The following SPTBN4 variants were observed in gnomAD, a reference collection of about 807,000 sequenced individuals.
SPTBN4 encodes spectrin beta, non-erythrocytic 4, also known as spectrin beta chain, non-erythrocytic 4.
SPTBN4 carries 96 observed loss-of-function variants against 277.8 expected under a neutral mutation model. The observed-to-expected ratio is 0.35, with a 90% CI of 0.29 to 0.41. The LOEUF is 0.41. SPTBN4 is among the 10% of genes least tolerant of loss of function. The probability of loss-of-function intolerance (pLI) is 1.00; values close to 1 mark genes in which losing one functional copy is unlikely to be tolerated. For synonymous variants in SPTBN4, 1,481 were observed against 1,580.3 expected, an observed-to-expected ratio of 0.94 and a Z score of 1.49; for missense variants, 3,006 against 3,595.7, an observed-to-expected ratio of 0.84 and a Z score of 4.19.
rs576227170 is a variant in SPTBN4, at chr19:40,519,390, C to A, written c.2904-11C>A. 2 of 1,542,142 alleles carry A rather than the reference C, an allele frequency of 1.3e-6. No individual in the cohort carries two copies. Among genetic ancestry groups the A allele is most frequent in the Non-Finnish European group, 8.7e-7 (1 of 1,147,278 alleles). ...CTGTCCTCCTCAAGTCACTCTCTTT[C>A]CCCTGGGCAGGTGGAACCGCATCGT... On this transcript the variant is annotated splice_polypyrimidine_tract_variant and intron_variant, in intron 15 of 35. Transcript: ENST00000598249. The surrounding 1 kb of genome is among the most constrained non-coding windows in gnomAD (Gnocchi z 5.7).
chr19:40,478,882 G>C (rs1169598501), intron 2 of SPTBN4, among the ~76,000 whole-genome samples: 2 of 152,118 alleles, frequency 1.3e-5, no homozygotes, highest in Non-Finnish European at 2.9e-5. Flanking sequence ...GCACAACTCT[G>C]CTTAAATCTC....
At position 40,560,794 on chromosome 19, in the gene SPTBN4, A is replaced by AC; in HGVS notation, c.5915+392dup. On this transcript the variant is annotated intron_variant, in intron 27 of 35. Coordinates refer to ENST00000598249, the MANE Select transcript of SPTBN4 (RefSeq NM_020971.3). This position sits in a 1 kb window ranked among gnomAD's most constrained non-coding sequence, Gnocchi z 5.2. Reference sequence around the variant, plus strand: ...ATTAGTGGGCATGGGCTTATTGCTCACATAGTGGTTGGATGTGAGTGTCCA... The same window carrying AC: ...ATTAGTGGGCATGGGCTTATTGCTCACCATAGTGGTTGGATGTGAGTGTCCA... The AC allele has an allele frequency of 8.6e-7, 1 of 1,157,744 alleles. No individual in the cohort carries two copies. The highest frequency in any genetic ancestry group is 2.3e-5 in the South Asian group (1 of 43,468). 71.7% of individuals were successfully genotyped at this position (1,157,744 alleles called of 1,614,324 possible). A position where few individuals can be genotyped will look rare whatever the true frequency, so the allele number is the denominator to read the frequency against.
intron 7 of SPTBN4, among the ~76,000 whole-genome samples, chr19:40,499,076 G>A (rs1274681663): frequency 6.6e-6 from 1 of 151,854 alleles, no homozygotes; most frequent in African/African-American, 2.4e-5. Flanking sequence ...CACTCAGACT[G>A]GAGTGCAGTG....
intron 22 of SPTBN4, among the ~76,000 whole-genome samples, chr19:40,551,420 C>T (rs962200896): frequency 2.6e-5 from 4 of 150,988 alleles, no homozygotes; most frequent in African/African-American, 9.7e-5. Context: ...CACACACACA[C>T]GTCCCCCAAA....
intron 2 of SPTBN4, among the ~76,000 whole-genome samples, chr19:40,474,151 CAAAAAAAA>C (rs71173641): frequency 5.5e-4 from 19 of 34,448 alleles, no homozygotes; most frequent in African/African-American, 2.0e-3. Context: ...GAACCTATCT[CAAAAAAAA>C]AAAAAAAAAA....
Position 40,513,551 on chromosome 19 carries a change from A to T in SPTBN4, c.2762A>T (p.His921Leu), listed in dbSNP as rs1447099309. 1 of 1,568,162 alleles carries T rather than the reference A, an allele frequency of 6.4e-7. No individual in the cohort carries two copies. Among genetic ancestry groups the T allele is most frequent in the Non-Finnish European group, 8.6e-7 (1 of 1,161,782 alleles). ...DSLDDVEVVQHRFESLDQEMN... is the reference protein window; with the variant it reads ...DSLDDVEVVQLRFESLDQEMN... ...CTCGACGACGTCGAGGTGGTGCAGCACCGGTGAGCGCGCACATGTGGGACT... is the reference window on the plus strand; with the variant it reads ...CTCGACGACGTCGAGGTGGTGCAGCTCCGGTGAGCGCGCACATGTGGGACT... The change falls in exon 14 of 36, where the codon CAC becomes CTC. Residue 921 changes from histidine to leucine, a missense_variant. Physicochemically the swap from His to Leu is moderately conservative, Grantham distance 99. Coordinates refer to ENST00000598249, the MANE Select transcript of SPTBN4 (RefSeq NM_020971.3).
chr19:40,569,426 CAA>C (rs58192016), intron 31 of SPTBN4, among the ~76,000 whole-genome samples: 1,291 of 120,696 alleles, frequency 0.011, 7 homozygotes, highest in Non-Finnish European at 0.016. Flanking sequence ...GACTCCGTCT[CAA>C]AAAAAAAAAA....
intron 4 of SPTBN4, among the ~76,000 whole-genome samples, chr19:40,492,644 G>A (rs2080151939): frequency 6.6e-6 from 1 of 152,174 alleles, no homozygotes; most frequent in Non-Finnish European, 1.5e-5. Context: ...GTGGATGCAG[G>A]AGTGGGGAGA....
rs1021473168 is a variant in SPTBN4 at position 40,519,644 on chromosome 19, T to G, written c.3147T>G (p.Ala1049=). The G allele has an allele frequency of 1.4e-6, 2 of 1,408,288 alleles. No individual in the cohort carries two copies. The highest frequency in any genetic ancestry group is 3.0e-5 in the African/African-American group (2 of 65,580). 87.2% of individuals were successfully genotyped at this position (1,408,288 alleles called of 1,614,324 possible). ...TTCTGGAGGAGGCAGCCCTGCTGGC[T>G]GAGCGCTTCCCGGCGCAGGCGGCGC... ...AALLEEAALL[A]ERFPAQAARL... The change falls in exon 16 of 36, where the codon GCT becomes GCG. Residue 1049 remains alanine, a synonymous_variant. Transcript: ENST00000598249. The surrounding 1 kb of genome is among the most constrained non-coding windows in gnomAD (Gnocchi z 5.7).
chr19:40,535,784 A>G (rs2080728325), intron 20 of SPTBN4, among the ~76,000 whole-genome samples: 1 of 151,902 alleles, frequency 6.6e-6, no homozygotes, highest in African/African-American at 2.4e-5. Flanking sequence ...CACACACAAA[A>G]AAATTAGCTG....
At chr19:40,556,051 G>A in intron 24 of SPTBN4, 33 bp from the exon 25 acceptor site, 1 of 1,582,930 alleles carries the variant, frequency 6.3e-7, no homozygotes, top group African/African-American at 1.3e-5. Context: ...AAGTCTCAGG[G>A]GTCCATCCCT....
chr19:40,534,401 GTCCAAC>G (rs1373872214), intron 20 of SPTBN4, 58 bp downstream of exon 20: 1 of 1,572,000 alleles, frequency 6.4e-7, no homozygotes, highest in South Asian at 1.1e-5. Flanking sequence ...CCAGGTCAGG[GTCCAAC>G]CCCACTCAAG....
intron 33 of SPTBN4, 143 bp downstream of exon 33, chr19:40,570,871 G>A (rs1012620451): frequency 3.9e-5 from 35 of 907,648 alleles, no homozygotes; most frequent in South Asian, 1.6e-4. Context: ...GAGCTGGGGG[G>A]TGGTGGTGGC....
rs183835586 is a variant in SPTBN4 at position 40,475,744 on chromosome 19, G to T, written c.169+2954G>T. On this transcript the variant is annotated intron_variant, in intron 2 of 35. Transcript: ENST00000598249. ...CCCAAAATGCTAGGATTACAGGCATGAGCCATGGCGCTGGCTCAAGAAACC... is the reference window on the plus strand; with the variant it reads ...CCCAAAATGCTAGGATTACAGGCATTAGCCATGGCGCTGGCTCAAGAAACC... Among the ~76,000 whole-genome samples the T allele has an allele frequency of 3.3e-5, 5 of 150,802 alleles. No individual in the cohort carries two copies. In the East Asian group the frequency reaches 1.0e-3, roughly 30 times the overall value.
chr19:40,530,510 C>T, intron 18 of SPTBN4: 4 of 980,090 alleles, frequency 4.1e-6, no homozygotes, highest in Non-Finnish European at 4.8e-6. Context: ...TTCGCCGCCG[C>T]TGCCGCTGCC....
chr19:40,512,529 A>G, intron 13 of SPTBN4, 77 bp from the exon 14 acceptor site: 1 of 1,423,998 alleles, frequency 7.0e-7, no homozygotes, highest in Non-Finnish European at 9.1e-7. Context: ...AGGACAGGGT[A>G]GGTAGCCCGC....
In SPTBN4 at chr19:40,519,408, C is replaced by A; in HGVS notation, c.2911C>A (p.Arg971Ser). The change falls in exon 16 of 36, where the codon CGC becomes AGC. Residue 971 changes from arginine to serine, a missense_variant. Arg to Ser is a moderately radical substitution (Grantham distance 110, BLOSUM62 -1). Around this residue, in one of 5 missense-constraint regions of SPTBN4, gnomAD observed 1,759 missense variants for 2,061.5 expected, o/e 0.85. Coordinates refer to ENST00000598249, the MANE Select transcript of SPTBN4 (RefSeq NM_020971.3). This position sits in a 1 kb window ranked among gnomAD's most constrained non-coding sequence, Gnocchi z 5.7. ...CQDHLNSRWN[R>S]IVELVEQRKE... ...TCTCTTTCCCCTGGGCAGGTGGAACCGCATCGTGGAGCTAGTGGAACAGCG... is the reference window on the plus strand; with the variant it reads ...TCTCTTTCCCCTGGGCAGGTGGAACAGCATCGTGGAGCTAGTGGAACAGCG... 1 of 1,565,408 alleles carries A rather than the reference C, an allele frequency of 6.4e-7. No individual in the cohort carries two copies. Among genetic ancestry groups the A allele is most frequent in the South Asian group, 1.2e-5 (1 of 83,982 alleles).
At chr19:40,522,770 G>A (rs2080543044) in intron 16 of SPTBN4, among the ~76,000 whole-genome samples, 1 of 152,190 alleles carries the variant, frequency 6.6e-6, no homozygotes, top group African/African-American at 2.4e-5. Flanking sequence ...ATTCTAGTAT[G>A]TAGGGGAGGA....
intron 33 of SPTBN4, chr19:40,570,977 T>TG (rs1451733829): frequency 1.3e-5 from 6 of 458,512 alleles, no homozygotes. Context: ...AGATGAGGGG[T>TG]GGGGCTCAAC....
Sources: allele counts gnomAD v4.1 joint callset (sites outside exome capture counted in the v4.1 genomes callset), GRCh38; gene constraint gnomAD v4.1.1; regional missense constraint gnomAD v4.1.1; non-coding constraint Gnocchi (gnomAD v3.1); transcripts MANE v1.5; gene names NCBI Gene and HGNC (gene_info 2026-07-23, HGNC 2026-07-21).